Variants in DIS3L observed in about 807,000 individuals in gnomAD.
DIS3L encodes the protein DIS3 like exosome 3'-5' exoribonuclease, also known as DIS3-like exonuclease 1.
Under a neutral mutation model 120.3 loss-of-function variants are expected in DIS3L, and 100 were observed. The ratio of observed to expected loss-of-function variants is 0.83; its 90% CI spans 0.71 to 0.98. The LOEUF (loss-of-function observed/expected upper bound fraction) is 0.98. Ranked by LOEUF, DIS3L falls within the 50% of genes least tolerant of loss-of-function variation. The probability of loss-of-function intolerance (pLI) is 0.00; values close to 1 mark genes in which losing one functional copy is unlikely to be tolerated. For missense variants in DIS3L, 1,196 were observed against 1,314.2 expected, an observed-to-expected ratio of 0.91 and a Z score of 1.39; for synonymous variants, 426 against 470.6, an observed-to-expected ratio of 0.91 and a Z score of 1.23.
At chr15:66,327,790 A>G (rs1409097201) in intron 12 of DIS3L, among the ~76,000 whole-genome samples, 2 of 152,142 alleles carry the variant, frequency 1.3e-5, no homozygotes, top group Non-Finnish European at 2.9e-5. Flanking sequence ...GGCTGGGTAC[A>G]GTGGCTCACA....
intron 6 of DIS3L, among the ~76,000 whole-genome samples, chr15:66,314,437 A>G (rs1460418644): frequency 6.6e-6 from 1 of 152,198 alleles, no homozygotes; most frequent in African/African-American, 2.4e-5. Flanking sequence ...TGCTGCCTCA[A>G]TGTGCTATAT....
chr15:66,310,396 C>T (rs1040443322), intron 4 of DIS3L, among the ~76,000 whole-genome samples: 4 of 151,962 alleles, frequency 2.6e-5, no homozygotes, highest in African/African-American at 9.7e-5. Flanking sequence ...CTTTGTAGTC[C>T]AGTGGTATAG....
In DIS3L at chr15:66,315,219, A is replaced by G; in HGVS notation, c.994+4A>G. ...CCAAGTGAGCCCATGCCTACAGGTG[A>G]GCCAGCTGCAGAGCCACTCCGATGT... is the stretch of plus-strand genomic sequence containing the variant. On this transcript the variant is annotated splice_donor_region_variant and intron_variant, in intron 7 of 16. Transcript: ENST00000319212. 1 of 1,602,502 alleles carries G rather than the reference A, an allele frequency of 6.2e-7. No individual in the cohort carries two copies. Among genetic ancestry groups the G allele is most frequent in the Non-Finnish European group, 8.5e-7 (1 of 1,172,136 alleles).
At chr15:66,298,628 C>G (rs1489007453) in intron 2 of DIS3L, among the ~76,000 whole-genome samples, 2 of 152,190 alleles carry the variant, frequency 1.3e-5, no homozygotes, top group Admixed American at 1.3e-4. Context: ...GCAGAGAATG[C>G]TTGTTCTCAT....
At chr15:66,327,512 C>G (rs2092951037) in intron 12 of DIS3L, among the ~76,000 whole-genome samples, 1 of 152,026 alleles carries the variant, frequency 6.6e-6, no homozygotes, top group Non-Finnish European at 1.5e-5. Context: ...AATCCCAGTA[C>G]TTTGGGAGGC....
chr15:66,315,413 T>C (rs1235549290), intron 7 of DIS3L, among the ~76,000 whole-genome samples, 198 bp downstream of exon 7: 1 of 152,176 alleles, frequency 6.6e-6, no homozygotes, highest in Non-Finnish European at 1.5e-5. Flanking sequence ...TTTGATATAA[T>C]GCATTGGAGA....
At position 66,323,456 on chromosome 15, in the gene DIS3L, G is replaced by T. The variant is rs988836231; in HGVS notation, c.1575-37G>T. On this transcript the variant is annotated intron_variant, in intron 10 of 16. Transcript: ENST00000319212. ...ACAGTCAGCAGTTCTGCTTCTCCCT[G>T]CTAAAGGTCGCGTTGCCGCGTGTGT... 5.0e-6 allele frequency: 8 copies of T among 1,609,236 alleles called. No homozygotes were observed. In the African/African-American group the frequency reaches 1.1e-4, roughly 22 times the overall value.
At chr15:66,298,938 C>T (rs1003335188) in intron 2 of DIS3L, among the ~76,000 whole-genome samples, 2 of 152,210 alleles carry the variant, frequency 1.3e-5, no homozygotes, top group African/African-American at 4.8e-5. Flanking sequence ...ATTACACAAA[C>T]AGATGCAGAA....
At position 66,309,094 on chromosome 15, in the gene DIS3L, A is replaced by T. The variant is rs368030752; in HGVS notation, c.558+250A>T. Among the ~76,000 whole-genome samples the T allele has an allele frequency of 1.5e-3, 23 of 15,316 alleles. 7 individuals carry two copies. The highest frequency in any genetic ancestry group is 4.1e-3 in the African/African-American group (21 of 5,124). 10.0% of individuals were successfully genotyped at this position (15,316 alleles called of 152,430 possible). A position where few individuals can be genotyped will look rare whatever the true frequency, so the allele number is the denominator to read the frequency against. Reference sequence around the variant, plus strand: ...CTTGTCTCTACAGAAAAAAAAAAAAAATATATATATCTCCAAGCATGGTGG... The same window carrying T: ...CTTGTCTCTACAGAAAAAAAAAAAATATATATATATCTCCAAGCATGGTGG... On this transcript the variant is annotated intron_variant, in intron 4 of 16. Coordinates refer to ENST00000319212, the MANE Select transcript of DIS3L (RefSeq NM_001143688.3).
chr15:66,299,545 CA>C (rs34499239), intron 2 of DIS3L, among the ~76,000 whole-genome samples: 977 of 88,018 alleles, frequency 0.011, 3 homozygotes, highest in South Asian at 0.056. Flanking sequence ...AACTCCATCT[CA>C]AAAAAAAAAA....
At chr15:66,329,507 A>T (rs1192429401) in intron 14 of DIS3L, 108 bp downstream of exon 14, 2 of 1,382,814 alleles carry the variant, frequency 1.4e-6, no homozygotes, top group Non-Finnish European at 9.5e-7. Flanking sequence ...ATTAAATTCT[A>T]GAATTATTCT....
At chr15:66,325,318 A>T (rs1435940565) in intron 11 of DIS3L, among the ~76,000 whole-genome samples, 1 of 152,116 alleles carries the variant, frequency 6.6e-6, no homozygotes, top group African/African-American at 2.4e-5. Flanking sequence ...CACTTGAACC[A>T]GGAAGAGGTA....
At position 66,323,510 on chromosome 15, in the gene DIS3L, T is replaced by C. The variant is rs1165439839; in HGVS notation, c.1592T>C (p.Leu531Pro). Residue 531 changes from leucine (L) to proline (P), a missense_variant, in exon 11 of 17, where the codon CTA becomes CCA. Leu to Pro is a moderately conservative substitution (Grantham distance 98). Transcript: ENST00000319212. ...EARTRATTYY[L>P]ADRRYDMLPS... ...ATTCACAGGGCCACCACTTATTATCTAGCAGATCGTCGCTATGACATGCTG... is the reference window on the plus strand; with the variant it reads ...ATTCACAGGGCCACCACTTATTATCCAGCAGATCGTCGCTATGACATGCTG... 6.2e-7 allele frequency: 1 copy of C among 1,614,260 alleles called. No individual in the cohort carries two copies. The highest frequency in any genetic ancestry group is 8.5e-7 in the Non-Finnish European group (1 of 1,180,038).
At chr15:66,327,087 G>A (rs779803339) in intron 12 of DIS3L, among the ~76,000 whole-genome samples, 2 of 151,438 alleles carry the variant, frequency 1.3e-5, no homozygotes, top group South Asian at 2.1e-4. Context: ...GTGCCACCAC[G>A]CCTGGCTAAT....
chr15:66,319,119 G>A (rs1326463164), intron 8 of DIS3L, among the ~76,000 whole-genome samples: 4 of 151,918 alleles, frequency 2.6e-5, no homozygotes, highest in Non-Finnish European at 5.9e-5. Context: ...TTCTTTTTTT[G>A]TAGAGATGGG....
chr15:66,314,042 A>T lies in DIS3L; in HGVS notation c.739A>T (p.Ile247Phe). Residue 247 changes from isoleucine (I) to phenylalanine (F), a missense_variant, in exon 6 of 17, where the codon ATT becomes TTT. Coordinates refer to ENST00000319212, the MANE Select transcript of DIS3L (RefSeq NM_001143688.3). ...GIKSGRYIQG[I>F]LNVNKHRAQI... is the part of the protein sequence containing the mutation. ...ATTTTTTAAATTATGATTTTAGGGA[A>T]TTCTGAATGTCAACAAACACAGAGC... 1.3e-6 allele frequency: 2 copies of T among 1,549,016 alleles called. No individual in the cohort carries two copies. The highest frequency in any genetic ancestry group is 1.7e-6 in the Non-Finnish European group (2 of 1,150,092).
rs868329577 is a variant in DIS3L at position 66,294,414 on chromosome 15, C to T, written c.140-574C>T. The T allele has an allele frequency of 6.1e-4, 598 of 985,424 alleles. 2 individuals carry two copies. Among genetic ancestry groups the T allele is most frequent in the Middle Eastern group, 3.6e-3 (7 of 1,936 alleles). The allele number at this position is 985,424 out of a possible 1,614,324, so 61.0% of individuals were successfully genotyped here. On this transcript the variant is annotated intron_variant, in intron 1 of 16. Coordinates refer to ENST00000319212, the MANE Select transcript of DIS3L (RefSeq NM_001143688.3). The stretch of plus-strand genomic sequence containing the variant: ...AGAATGGGCTGGGGGTCCTTGTCAG[C>T]GAATGTGTGGAATCCTCCAAACATT...
Position 66,323,074 on chromosome 15 carries a change from T to A in DIS3L, c.1574+140T>A, listed in dbSNP as rs149187227. ...CCAGAAAAAAAAAGTTGAGGTCCAC[T>A]CTCCATTTTCCTTTAGAAAAACAGT... On this transcript the variant is annotated intron_variant, in intron 10 of 16. Coordinates refer to ENST00000319212, the MANE Select transcript of DIS3L (RefSeq NM_001143688.3). The A allele has an allele frequency of 6.0e-6, 6 of 999,396 alleles. No individual in the cohort carries two copies. The African/African-American group carries it at 8.2e-5, about 14-fold the overall frequency. The allele number at this position is 999,396 out of a possible 1,614,324, so 61.9% of individuals were successfully genotyped here.
At chr15:66,303,202 A>G (rs1203311185) in intron 2 of DIS3L, among the ~76,000 whole-genome samples, 1 of 152,182 alleles carries the variant, frequency 6.6e-6, no homozygotes, top group Non-Finnish European at 1.5e-5. Context: ...CCATTCATCC[A>G]TTGATAGATT....
Sources: allele counts gnomAD v4.1 joint callset (sites outside exome capture counted in the v4.1 genomes callset), GRCh38; gene constraint gnomAD v4.1.1; transcripts MANE v1.5; gene names NCBI Gene and HGNC (gene_info 2026-07-23, HGNC 2026-07-21).